Variants in DMXL2 observed in about 807,000 individuals in gnomAD.
DMXL2 encodes the protein Dmx like 2, also known as dmX-like protein 2.
A neutral mutation model predicts 331.1 loss-of-function variants in DMXL2; 103 were observed. The observed-to-expected ratio is 0.31, with a 90% CI of 0.27 to 0.37. The LOEUF is 0.37. DMXL2 is among the 10% of genes least tolerant of loss of function. The pLI is 1.00. For synonymous variants in DMXL2, 1,281 were observed against 1,252.1 expected (o/e 1.02, Z -0.49); for missense variants, 3,171 against 3,642.9 (o/e 0.87, Z 3.33).
At chr15:51,466,066 C>T in intron 30 of DMXL2, 118 bp downstream of exon 30, 2 of 906,078 alleles carry the variant, frequency 2.2e-6, no homozygotes, top group Non-Finnish European at 3.2e-6. Flanking sequence ...AACCTGGAAA[C>T]ATAAGTCATT....
chr15:51,576,087 C>G lies in DMXL2; in HGVS notation c.182G>C (p.Ser61Thr), dbSNP rs959059536. The change falls in exon 2 of 44, where the codon AGC becomes ACC. Residue 61 changes from serine to threonine, a missense_variant. By Grantham distance (58) the Ser-to-Thr change is moderately conservative (BLOSUM62 1). Coordinates refer to ENST00000560891, the MANE Select transcript of DMXL2 (RefSeq NM_001378457.1). The stretch of plus-strand genomic sequence containing the variant: ...TTGTTGGTTAGAACACTCCACACAG[C>G]TGACTTGGATGTTTCCATGCTTAGC... ...PGAKHGNIQV[S>T]CVECSNQQGR... 6.3e-7 allele frequency: 1 copy of G among 1,582,936 alleles called. No homozygotes were observed. The highest frequency in any genetic ancestry group is 8.6e-7 in the Non-Finnish European group (1 of 1,162,004).
intron 15 of DMXL2, among the ~76,000 whole-genome samples, chr15:51,507,729 T>TA (rs2046493529): frequency 5.9e-5 from 9 of 151,874 alleles, no homozygotes; most frequent in Admixed American, 3.9e-4. Flanking sequence ...CTGGGGCACT[T>TA]ACGCCTTATT....
rs1381027333 is a variant in DMXL2, at chr15:51,449,004, T to C, written c.9157A>G (p.Arg3053Gly). The change falls in exon 44 of 44, where the codon AGA (arginine) becomes GGA (glycine). Residue 3053 changes from arginine to glycine, a missense_variant. Physicochemically the swap from Arg to Gly is moderately radical, Grantham distance 125. Around this residue, in one of 7 missense-constraint regions of DMXL2, gnomAD observed 766 missense variants for 940.5 expected, o/e 0.81. Transcript: ENST00000560891. ...VLPNAFNIPN[R>G]ILDIL ...AATCTTTATAGAATGTCAAGAATTC[T>C]GTTAGGGATGTTAAAAGCATTGGGC... 6 of 1,614,174 alleles carry C rather than the reference T, an allele frequency of 3.7e-6. No individual in the cohort carries two copies. Among genetic ancestry groups the C allele is most frequent in the Middle Eastern group, 1.6e-4 (1 of 6,062 alleles).
Position 51,545,653 on chromosome 15 carries a change from G to A in DMXL2, c.860C>T (p.Thr287Ile). 1 of 1,613,642 alleles carries A rather than the reference G, an allele frequency of 6.2e-7. No individual in the cohort carries two copies. The highest frequency in any genetic ancestry group is 2.2e-5 in the East Asian group (1 of 44,868). ...AAGGCTGCTGGCAATGCTGGAAGTG[G>A]TAGTCTCACAAATCTGCTCACCCAA... Reference protein sequence around the residue: ...CLLGEQICETTTSSIASSLSH... With the variant: ...CLLGEQICETITSSIASSLSH... The change falls in exon 8 of 44, where the codon ACC becomes ATC. Residue 287 changes from threonine to isoleucine, a missense_variant. Transcript: ENST00000560891.
intron 1 of DMXL2, among the ~76,000 whole-genome samples, chr15:51,592,048 G>A (rs770608956): frequency 2.0e-5 from 3 of 152,244 alleles, no homozygotes; most frequent in South Asian, 2.1e-4. Context: ...CATCAGCAAC[G>A]GAACAAAGCT....
intron 18 of DMXL2, among the ~76,000 whole-genome samples, chr15:51,498,102 TG>T (rs1471982091): frequency 6.6e-6 from 1 of 152,124 alleles, no homozygotes; most frequent in Non-Finnish European, 1.5e-5. Flanking sequence ...CTGGGCCCCA[TG>T]GTGGTGCACA....
chr15:51,535,180 C>T (rs1190992582), intron 13 of DMXL2, among the ~76,000 whole-genome samples: 1 of 152,158 alleles, frequency 6.6e-6, no homozygotes. Flanking sequence ...ACTCTAGATA[C>T]TAACATATAT....
chr15:51,557,546 G>T (rs1167905198), intron 6 of DMXL2, among the ~76,000 whole-genome samples: 1 of 151,990 alleles, frequency 6.6e-6, no homozygotes, highest in Admixed American at 6.5e-5. Flanking sequence ...AATTTATATA[G>T]AAATGCAAAG....
At chr15:51,515,719 G>A (rs1261883368) in intron 14 of DMXL2, among the ~76,000 whole-genome samples, 15 of 152,184 alleles carry the variant, frequency 9.9e-5, no homozygotes, top group Admixed American at 5.9e-4. Flanking sequence ...AGGGGAAAAA[G>A]TGTTGAGCAA....
rs1406966993 is a variant in DMXL2 at position 51,572,848 on chromosome 15, T to A, written c.213+3208A>T. On this transcript the variant is annotated intron_variant, in intron 2 of 43. Coordinates refer to ENST00000560891, the MANE Select transcript of DMXL2 (RefSeq NM_001378457.1). ...AATATCATACTAAATGGGCAAAAACTGGAAGCATTCCCTTTGCAAACCAGT... is the reference window on the plus strand; with the variant it reads ...AATATCATACTAAATGGGCAAAAACAGGAAGCATTCCCTTTGCAAACCAGT... Among the ~76,000 whole-genome samples, 3 of 152,152 alleles carry A rather than the reference T, an allele frequency of 2.0e-5. No individual in the cohort carries two copies. The South Asian group carries it at 6.2e-4, about 31-fold the overall frequency.
intron 1 of DMXL2, among the ~76,000 whole-genome samples, chr15:51,585,620 T>C (rs1226387669): frequency 1.3e-5 from 2 of 152,244 alleles, no homozygotes; most frequent in South Asian, 2.1e-4. Flanking sequence ...TTAAAATTAA[T>C]TGCAACTGCA....
At chr15:51,480,192 G>A in intron 24 of DMXL2, 53 bp from the exon 25 acceptor site, 3 of 1,427,946 alleles carry the variant, frequency 2.1e-6, no homozygotes, top group African/African-American at 1.4e-5. Context: ...AATTTTATCA[G>A]TTCTCTGACA....
In DMXL2 at chr15:51,608,300, C is replaced by T. The variant is rs575194432; in HGVS notation, c.87+14159G>A. Among the ~76,000 whole-genome samples the T allele has an allele frequency of 1.1e-4, 17 of 152,240 alleles. 1 individual carries two copies. In the South Asian group the frequency reaches 1.2e-3, roughly 11 times the overall value. Reference sequence around the variant, plus strand: ...GTTATACCATGAAGACGCATGCATGCGTATGTCCACTGCAGCACTATTCAC... The same window carrying T: ...GTTATACCATGAAGACGCATGCATGTGTATGTCCACTGCAGCACTATTCAC... On this transcript the variant is annotated intron_variant, in intron 1 of 43. Coordinates refer to ENST00000560891, the MANE Select transcript of DMXL2 (RefSeq NM_001378457.1).
intron 23 of DMXL2, among the ~76,000 whole-genome samples, chr15:51,485,685 T>C (rs1189214234): frequency 1.3e-5 from 2 of 152,162 alleles, no homozygotes; most frequent in Non-Finnish European, 2.9e-5. Flanking sequence ...TGCTGATAAA[T>C]ATCCTTTAAG....
chr15:51,501,611 A>G (rs1777432506), intron 17 of DMXL2, among the ~76,000 whole-genome samples: 1 of 152,196 alleles, frequency 6.6e-6, no homozygotes, highest in Non-Finnish European at 1.5e-5. Context: ...TGTAGGCAAG[A>G]CACCTCACAT....
At chr15:51,538,739 A>C (rs1299166568) in intron 9 of DMXL2, among the ~76,000 whole-genome samples, 1 of 152,208 alleles carries the variant, frequency 6.6e-6, no homozygotes, top group Non-Finnish European at 1.5e-5. Flanking sequence ...GCAGAAAAGC[A>C]GCTATAAAAG....
chr15:51,471,515 C>A, intron 28 of DMXL2, 114 bp from the exon 29 acceptor site: 1 of 989,618 alleles, frequency 1.0e-6, no homozygotes, highest in Non-Finnish European at 1.4e-6. Context: ...AACTAAATTA[C>A]TTATTCCTGT....
intron 1 of DMXL2, among the ~76,000 whole-genome samples, chr15:51,578,961 T>A (rs1040150873): frequency 4.6e-5 from 7 of 152,092 alleles, no homozygotes; most frequent in African/African-American, 1.7e-4. Context: ...AAAAATTAGT[T>A]GAGCGTGGTG....
At chr15:51,534,882 C>T (rs1325258880) in intron 13 of DMXL2, among the ~76,000 whole-genome samples, 2 of 152,140 alleles carry the variant, frequency 1.3e-5, no homozygotes, top group Non-Finnish European at 1.5e-5. Flanking sequence ...CTCTCTCTCT[C>T]CTCTGAATAA....
Sources: allele counts gnomAD v4.1 joint callset (sites outside exome capture counted in the v4.1 genomes callset), GRCh38; gene constraint gnomAD v4.1.1; regional missense constraint gnomAD v4.1.1; transcripts MANE v1.5; gene names NCBI Gene and HGNC (gene_info 2026-07-23, HGNC 2026-07-21).